NEB: variants seen among roughly 807,000 people sequenced by gnomAD.
NEB encodes the protein nemaline myopathy type 2.
Under a neutral mutation model 952.2 loss-of-function variants are expected in NEB, and 512 were observed. That is an observed-to-expected ratio of 0.54 (90% CI 0.50 to 0.58). The LOEUF (loss-of-function observed/expected upper bound fraction) is 0.58. Ranked by LOEUF, NEB falls within the 20% of genes least tolerant of loss-of-function variation. The pLI, the probability that NEB is intolerant of heterozygous loss-of-function variation, is 0.00. For synonymous variants in NEB, 2,900 were observed against 3,149.8 expected (o/e 0.92, Z 2.66); for missense variants, 8,428 against 9,231.1 (o/e 0.91, Z 3.56).
rs1484412402 is a variant in NEB, at chr2:151,699,983, T to G, written c.1153-2335A>C. On this transcript the variant is annotated intron_variant, in intron 13 of 181. Coordinates refer to ENST00000397345, the MANE Select transcript of NEB (RefSeq NM_001164508.2). ...TAATGCCTAGGTTTTCTTCTAGGGT[T>G]TTTATGGTTTTAGGTCTAACGTTTA... Among the ~76,000 whole-genome samples, 222 of 143,156 alleles carry G rather than the reference T, an allele frequency of 1.6e-3. 2 individuals are homozygous for G. Among genetic ancestry groups the G allele is most frequent in the South Asian group, 4.8e-3 (20 of 4,192 alleles). The allele number at this position is 143,156 out of a possible 152,430, so 93.9% of individuals were successfully genotyped here. A position where few individuals can be genotyped will look rare whatever the true frequency, so the allele number is the denominator to read the frequency against.
At chr2:151,646,880 C>A (rs746179104) in intron 54 of NEB, among the ~76,000 whole-genome samples, 7 of 152,166 alleles carry the variant, frequency 4.6e-5, no homozygotes, top group African/African-American at 1.4e-4. Flanking sequence ...GAACTCCCCA[C>A]CTCAGCCTCC....
At chr2:151,513,055 G>A (rs2075642354) in intron 160 of NEB, among the ~76,000 whole-genome samples, 1 of 152,170 alleles carries the variant, frequency 6.6e-6, no homozygotes, top group Admixed American at 6.5e-5. Context: ...AGATTTAGTT[G>A]GATGCAGGAT....
At chr2:151,663,422 A>G in intron 45 of NEB, 126 bp downstream of exon 45, 2 of 948,996 alleles carry the variant, frequency 2.1e-6, no homozygotes, top group Non-Finnish European at 3.1e-6. Flanking sequence ...AAGGTAACAA[A>G]TGAAACACTA....
Position 151,658,075 on chromosome 2 carries a change from A to T in NEB, c.6091T>A (p.Ser2031Thr), listed in dbSNP as rs745323298. 53 of 1,602,442 alleles carry T rather than the reference A, an allele frequency of 3.3e-5. No homozygotes were observed. The highest frequency in any genetic ancestry group is 4.1e-5 in the Non-Finnish European group (48 of 1,172,142). ...INMSDKLYKL[S>T]LEESKKKGYD... ...CCTTTCTTTTTAGACTCTTCCAAGG[A>T]AAGTTTGTAGAGTTTCTGTAAAGAG... Residue 2031 changes from serine to threonine, a missense_variant, in exon 48 of 182, where the codon TCC becomes ACC. Ser to Thr is a moderately conservative substitution (Grantham distance 58). Transcript: ENST00000397345.
chr2:151,643,681 A>C, intron 57 of NEB, 137 bp downstream of exon 57: 2 of 1,380,064 alleles, frequency 1.4e-6, no homozygotes, highest in South Asian at 3.0e-5. Flanking sequence ...TGGTGCCTCC[A>C]GATGTCTGGG....
intron 18 of NEB, among the ~76,000 whole-genome samples, chr2:151,694,863 G>A (rs1407961013): frequency 6.6e-6 from 1 of 152,056 alleles, no homozygotes; most frequent in African/African-American, 2.4e-5. Context: ...TTTAATTCTA[G>A]CTATTATACT....
In NEB at chr2:151,508,021, T is replaced by C; in HGVS notation, c.23435A>G (p.Gln7812Arg). 6.2e-7 allele frequency: 1 copy of C among 1,608,442 alleles called. No homozygotes were observed. The highest frequency in any genetic ancestry group is 8.5e-7 in the Non-Finnish European group (1 of 1,176,942). ...TPEIQRVREN[Q>R]KNFSLLQYQC... ...AAAACTTACAAGGCTGAAGTTCTTT[T>C]GGTTCTCCCGGACTCTCTGTATCTC... is the stretch of plus-strand genomic sequence containing the variant. The change falls in exon 162 of 182, where the codon CAA becomes CGA. Residue 7812 changes from glutamine (Q) to arginine (R), a missense_variant. Coordinates refer to ENST00000397345, the MANE Select transcript of NEB (RefSeq NM_001164508.2).
chr2:151,680,876 G>T, intron 29 of NEB, 48 bp from the exon 30 acceptor site: 3 of 1,355,524 alleles, frequency 2.2e-6, no homozygotes, highest in South Asian at 1.2e-5. Context: ...TTCCACTGAA[G>T]ATTAATACGT....
In NEB at chr2:151,666,288, A is replaced by G. The variant is rs1413754733; in HGVS notation, c.4833T>C (p.Asp1611=). 1 of 1,613,908 alleles carries G rather than the reference A, an allele frequency of 6.2e-7. No homozygotes were observed. The highest frequency in any genetic ancestry group is 8.5e-7 in the Non-Finnish European group (1 of 1,179,848). ...CTTCATAGCCCTTTTTGTACTCACG[A>G]TCAGACTGGATTTTGGCCACATTCA... The part of the protein sequence containing the change: ...HYMNVAKIQS[D]REYKKGYEAS... The change falls in exon 41 of 182, where the codon GAT becomes GAC. Residue 1611 remains aspartate (D), a synonymous_variant. Transcript: ENST00000397345.
chr2:151,624,681 A>AT (rs1159374075), intron 71 of NEB, among the ~76,000 whole-genome samples: 1 of 152,232 alleles, frequency 6.6e-6, no homozygotes, highest in East Asian at 1.9e-4. Flanking sequence ...TAGTACTTAA[A>AT]TTTTTCAGTG....
rs1330257817 is a variant in NEB at position 151,609,843 on chromosome 2, A to T, written c.12296T>A (p.Ile4099Asn). ...WTCMPDQNDI[I>N]QAKKAYDLQS... ...CAGGTCATAGGCCTTTTTTGCTTGG[A>T]TAATGTCGTTTTGATCCGGCATGCA... The change falls in exon 81 of 182, where the codon ATC (isoleucine) becomes AAC (asparagine). Residue 4099 changes from isoleucine to asparagine, a missense_variant. Transcript: ENST00000397345. 5.6e-6 allele frequency: 9 copies of T among 1,599,550 alleles called. No individual in the cohort carries two copies. Among genetic ancestry groups the T allele is most frequent in the Admixed American group, 3.4e-5 (2 of 58,080 alleles).
intron 4 of NEB, among the ~76,000 whole-genome samples, chr2:151,729,032 T>G (rs529524492): frequency 1.3e-5 from 2 of 151,556 alleles, no homozygotes; most frequent in South Asian, 2.1e-4. Flanking sequence ...AACAGCTGCA[T>G]GCAGAAAATA....
Position 151,650,345 on chromosome 2 carries a change from C to T in NEB, c.7262G>A (p.Gly2421Asp). ...LYKSDLEWLR[G>D]IGWSPLGSLE... is the part of the protein sequence containing the mutation. ...AGAACCCAAGGGACTCCATCCTATG[C>T]CTCTCAGCCACTCAAGGTCAGATTT... is the stretch of plus-strand genomic sequence containing the variant. The change falls in exon 54 of 182, where the codon GGC becomes GAC. Residue 2421 changes from glycine to aspartate, a missense_variant. Gly to Asp is a moderately conservative substitution (Grantham distance 94). Transcript: ENST00000397345. 1.2e-6 allele frequency: 2 copies of T among 1,613,902 alleles called. No homozygotes were observed. Among genetic ancestry groups the T allele is most frequent in the Non-Finnish European group, 1.7e-6 (2 of 1,179,850 alleles).
chr2:151,502,372 ATAAACATCTAAACAT>A (rs2065297336), intron 167 of NEB, among the ~76,000 whole-genome samples: 1 of 140,178 alleles, frequency 7.1e-6, no homozygotes, highest in Non-Finnish European at 1.6e-5. Flanking sequence ...GGAAAAATAA[ATAAACATCTAAACAT>A]AAAAAAAAAA....
rs766193154 is a variant in NEB at position 151,627,067 on chromosome 2, A to G, written c.10282T>C (p.Phe3428Leu). The G allele has an allele frequency of 4.3e-6, 7 of 1,613,798 alleles. No individual in the cohort carries two copies. In the East Asian group the frequency reaches 1.6e-4, roughly 36 times the overall value. Residue 3428 changes from phenylalanine to leucine, a missense_variant, in exon 70 of 182, where the codon TTT (phenylalanine) becomes CTT (leucine). By Grantham distance (22) the Phe-to-Leu change is conservative. Transcript: ENST00000397345. The part of the protein sequence containing the change: ...IYRQPPDKLK[F>L]TSVTDSLEQV... Reference sequence around the variant, plus strand: ...TCTAGAGAGTCAGTCACACTGGTAAATTTCAGCTTGTCCGGAGGCTGGCGG... The same window carrying G: ...TCTAGAGAGTCAGTCACACTGGTAAGTTTCAGCTTGTCCGGAGGCTGGCGG...
At chr2:151,620,345 G>GTA (rs775274994) in intron 72 of NEB, among the ~76,000 whole-genome samples, 1,685 of 86,936 alleles carry the variant, frequency 0.019, 28 homozygotes, top group Non-Finnish European at 0.025. Flanking sequence ...ATGTATGTGT[G>GTA]TGTATATATA....
chr2:151,512,686 C>T (rs763607680), intron 161 of NEB, 47 bp downstream of exon 161: 1 of 1,320,706 alleles, frequency 7.6e-7, no homozygotes, highest in Admixed American at 1.7e-5. Flanking sequence ...GACTTCCATT[C>T]TTTCATGATT....
Position 151,561,060 on chromosome 2 carries a change from C to T in NEB, c.19150G>A (p.Val6384Ile). 6.2e-7 allele frequency: 1 copy of T among 1,608,412 alleles called. No individual in the cohort carries two copies. ...CTGTCATAATCCACTGTTTCTAGAA[C>T]TGTTGTGTATTTGTCCTTAATCTGA... ...YHQIKDKYTT[V>I]LETVDYDRTR... The change falls in exon 123 of 182, where the codon GTT (valine) becomes ATT (isoleucine). Residue 6384 changes from valine (V) to isoleucine (I), a missense_variant. By Grantham distance (29) the Val-to-Ile change is conservative (BLOSUM62 3). This residue lies in a region of NEB where 3,374 missense variants were observed against 3,651.5 expected (regional missense o/e 0.92). Transcript: ENST00000397345.
intron 50 of NEB, among the ~76,000 whole-genome samples, chr2:151,655,604 T>C (rs1372315554): frequency 6.6e-6 from 1 of 151,992 alleles, no homozygotes; most frequent in African/African-American, 2.4e-5. Context: ...GATATAATAA[T>C]TAAAAACATA....
Sources: gnomAD v4.1 joint callset for allele counts (sites outside exome capture counted in the v4.1 genomes callset) on GRCh38, gnomAD v4.1.1 for gene constraint, gnomAD v4.1.1 regional missense constraint, MANE v1.5 for transcripts, NCBI Gene and HGNC (gene_info 2026-07-23, HGNC 2026-07-21) for gene names.